EML1: variants seen among roughly 807,000 people sequenced by gnomAD.
The protein encoded by EML1 is echinoderm microtubule-associated protein-like 1.
EML1 carries 27 observed loss-of-function variants against 110.4 expected under a neutral mutation model. The ratio of observed to expected loss-of-function variants is 0.24; its 90% CI spans 0.18 to 0.34. The LOEUF (loss-of-function observed/expected upper bound fraction) is 0.34. EML1 is among the 10% of genes least tolerant of loss of function. The probability of loss-of-function intolerance (pLI) is 1.00; values close to 1 mark genes in which losing one functional copy is unlikely to be tolerated. For missense variants in EML1, 741 were observed against 1,030.9 expected (o/e 0.72, Z 3.85); for synonymous variants, 344 against 385.8 (o/e 0.89, Z 1.27).
chr14:99,817,387 G>A (rs972431308), intron 1 of EML1, among the ~76,000 whole-genome samples: 1 of 152,174 alleles, frequency 6.6e-6, no homozygotes, highest in Non-Finnish European at 1.5e-5. Flanking sequence ...ATTGTTTACA[G>A]CGTCATCAAA....
intron 1 of EML1, among the ~76,000 whole-genome samples, chr14:99,752,170 G>C (rs529828119): frequency 6.6e-6 from 1 of 152,262 alleles, no homozygotes; most frequent in East Asian, 1.9e-4. Flanking sequence ...AGAGCTCCCA[G>C]TTCTTTGCCT....
chr14:99,849,334 A>G (rs2058752519), intron 1 of EML1, among the ~76,000 whole-genome samples: 1 of 152,152 alleles, frequency 6.6e-6, no homozygotes, highest in Admixed American at 6.5e-5. Context: ...TCAGCTGTTA[A>G]TCAGACTGCA....
At chr14:99,929,618 G>A (rs1244695556) in intron 17 of EML1, among the ~76,000 whole-genome samples, 2 of 152,144 alleles carry the variant, frequency 1.3e-5, no homozygotes, top group Non-Finnish European at 2.9e-5. Flanking sequence ...TGAGTTTTCT[G>A]GTTACACAAG....
At chr14:99,874,145 A>G (rs1435896408) in intron 3 of EML1, among the ~76,000 whole-genome samples, 2 of 152,234 alleles carry the variant, frequency 1.3e-5, no homozygotes, top group African/African-American at 4.8e-5. Context: ...CTTATTAACC[A>G]TAAGAAGAAA....
chr14:99,807,517 T>C (rs1020866060), intron 1 of EML1, among the ~76,000 whole-genome samples: 3 of 152,188 alleles, frequency 2.0e-5, no homozygotes, highest in Non-Finnish European at 2.9e-5. Context: ...CCAGGACTGG[T>C]ACAGCAGGCA....
intron 9 of EML1, among the ~76,000 whole-genome samples, chr14:99,904,382 A>T (rs2140029629): frequency 6.6e-6 from 1 of 152,336 alleles, no homozygotes; most frequent in South Asian, 2.1e-4. Flanking sequence ...AGGCAAAAAA[A>T]AATCCACATT....
At chr14:99,790,386 G>T (rs899381613), upstream of EML1, among the ~76,000 whole-genome samples, 7 of 151,986 alleles carry the variant, frequency 4.6e-5, no homozygotes, top group African/African-American at 1.5e-4. Context: ...TGCACTGTAT[G>T]GAATGCAGTG....
At chr14:99,887,431 G>A (rs917032535) in intron 4 of EML1, among the ~76,000 whole-genome samples, 1 of 152,114 alleles carries the variant, frequency 6.6e-6, no homozygotes, top group Non-Finnish European at 1.5e-5. Flanking sequence ...TCAGGGGCAG[G>A]TGCAGGACAT....
intron 1 of EML1, among the ~76,000 whole-genome samples, chr14:99,745,283 C>T (rs1281376358): frequency 1.3e-5 from 2 of 152,196 alleles, no homozygotes; most frequent in Non-Finnish European, 2.9e-5. Context: ...CCAGTCTGGT[C>T]TCAAACTTCT....
chr14:99,812,257 G>GTGCA (rs1453390418), intron 1 of EML1, among the ~76,000 whole-genome samples: 2 of 151,782 alleles, frequency 1.3e-5, no homozygotes, highest in East Asian at 3.9e-4. Context: ...AGGCCTGACT[G>GTGCA]TGCATGCCCA....
intron 3 of EML1, among the ~76,000 whole-genome samples, chr14:99,866,217 C>T (rs190301102): frequency 3.3e-5 from 5 of 152,140 alleles, no homozygotes; most frequent in East Asian, 3.8e-4. Flanking sequence ...CCAAGGTGGG[C>T]GGATCACTTG....
chr14:99,903,300 T>C (rs1290892978), intron 9 of EML1, among the ~76,000 whole-genome samples: 1 of 152,184 alleles, frequency 6.6e-6, no homozygotes, highest in African/African-American at 2.4e-5. Context: ...TCAGGAACAT[T>C]TCAGCTCCCC....
At position 99,811,573 on chromosome 14, in the gene EML1, C is replaced by T. The variant is rs140319913; in HGVS notation, c.67+18030C>T. 3.0e-4 allele frequency among the ~76,000 whole-genome samples: 44 copies of T among 146,506 alleles called. No individual in the cohort carries two copies. In the East Asian group the frequency reaches 4.4e-3, roughly 15 times the overall value. On this transcript the variant is annotated intron_variant, in intron 1 of 21. Coordinates refer to ENST00000262233, the MANE Select transcript of EML1 (RefSeq NM_004434.3). Reference sequence around the variant, plus strand: ...ATCCCAACACTTTGGGTGGCCAAGGCGGGAGGATCACTTGACCCTAGGAGT... The same window carrying T: ...ATCCCAACACTTTGGGTGGCCAAGGTGGGAGGATCACTTGACCCTAGGAGT...
intron 1 of EML1, among the ~76,000 whole-genome samples, chr14:99,846,272 C>T (rs1362687408): frequency 6.8e-6 from 1 of 146,080 alleles, no homozygotes; most frequent in Non-Finnish European, 1.5e-5. Context: ...CTTATTTTTC[C>T]AGCTGGTGAT....
intron 4 of EML1, among the ~76,000 whole-genome samples, chr14:99,880,116 A>T (rs2059360375): frequency 6.6e-6 from 1 of 152,220 alleles, no homozygotes; most frequent in Admixed American, 6.5e-5. Context: ...TCATGTTCCC[A>T]AACTAATTCA....
chr14:99,795,343 TATA>T (rs1285823182), intron 1 of EML1, among the ~76,000 whole-genome samples: 2 of 152,246 alleles, frequency 1.3e-5, no homozygotes, highest in Non-Finnish European at 2.9e-5. Flanking sequence ...AACCAACTCT[TATA>T]TTTTGTAGAA....
Position 99,875,097 on chromosome 14 carries a change from A to G in EML1, c.384-3388A>G, listed in dbSNP as rs7152170. ...CTTGTCCAGTGCCTACCATTCATCA[A>G]GTCATCAATCATGTAACTATATTAA... On this transcript the variant is annotated intron_variant, in intron 3 of 21. Transcript: ENST00000262233. 1.7e-5 allele frequency: 16 copies of G among 935,786 alleles called. No individual in the cohort carries two copies. In the South Asian group the frequency reaches 2.6e-4, roughly 15 times the overall value. The allele number at this position is 935,786 out of a possible 1,614,324, so 58.0% of individuals were successfully genotyped here.
intron 17 of EML1, among the ~76,000 whole-genome samples, chr14:99,928,721 C>G (rs1421897809): frequency 6.6e-6 from 1 of 152,186 alleles, no homozygotes; most frequent in African/African-American, 2.4e-5. Flanking sequence ...CTCTGCCTCA[C>G]AGTGGGACGT....
At chr14:99,754,074 T>C (rs2057214915) in intron 1 of EML1, among the ~76,000 whole-genome samples, 2 of 152,218 alleles carry the variant, frequency 1.3e-5, no homozygotes, top group South Asian at 4.1e-4. Flanking sequence ...TTCCCCTCTC[T>C]GGGACTCAGT....
Sources: gnomAD v4.1 joint callset for allele counts (sites outside exome capture counted in the v4.1 genomes callset) on GRCh38, gnomAD v4.1.1 for gene constraint, MANE v1.5 for transcripts, NCBI Gene and HGNC (gene_info 2026-07-23, HGNC 2026-07-21) for gene names.